KCNB2: variants seen among roughly 807,000 people sequenced by gnomAD.
KCNB2 encodes delayed rectifier potassium channel protein.
In KCNB2, 15 loss-of-function variants were observed where a neutral mutation model predicts 61.5. That is an observed-to-expected ratio of 0.24 (90% CI 0.16 to 0.38). KCNB2 has a LOEUF of 0.38. Among genes scored for constraint, KCNB2 ranks in the 10% least tolerant of loss-of-function variants. The pLI, the probability that KCNB2 is intolerant of heterozygous loss-of-function variation, is 1.00. For missense variants in KCNB2, 828 were observed against 1,125.2 expected (o/e 0.74, Z 3.78); for synonymous variants, 457 against 446.0 (o/e 1.02, Z -0.31).
In KCNB2 at chr8:72,837,680, G is replaced by A. The variant is rs116267500; in HGVS notation, c.580-98255G>A. Among the ~76,000 whole-genome samples, 474 of 152,252 alleles carry A rather than the reference G, an allele frequency of 3.1e-3. 2 individuals are homozygous for A. Among genetic ancestry groups the A allele is most frequent in the African/African-American group, 0.011 (462 of 41,534 alleles). On this transcript the variant is annotated intron_variant, in intron 2 of 2. Coordinates refer to ENST00000523207, the MANE Select transcript of KCNB2 (RefSeq NM_004770.3). ...TTGTCTCATTAGTCAATAAAATATT[G>A]TTGAGCCAATTAATAGCATAGCAAG...
intron 2 of KCNB2, among the ~76,000 whole-genome samples, chr8:72,802,948 A>T (rs1809156034): frequency 6.6e-6 from 1 of 152,140 alleles, no homozygotes; most frequent in South Asian, 2.1e-4. Context: ...GTCTCTGAAA[A>T]CTGGTGTTCA....
At chr8:72,603,408 C>G (rs1280016866) in intron 2 of KCNB2, among the ~76,000 whole-genome samples, 1 of 152,188 alleles carries the variant, frequency 6.6e-6, no homozygotes, top group Non-Finnish European at 1.5e-5. Flanking sequence ...CAGCTCTTTT[C>G]TCCTTGAATA....
chr8:72,734,130 G>A (rs1807797991), intron 2 of KCNB2, among the ~76,000 whole-genome samples: 1 of 152,186 alleles, frequency 6.6e-6, no homozygotes, highest in Non-Finnish European at 1.5e-5. Context: ...TGTAAAAGCA[G>A]TCTCATTATC....
At chr8:72,930,347 T>C (rs1239521770) in intron 2 of KCNB2, among the ~76,000 whole-genome samples, 2 of 152,076 alleles carry the variant, frequency 1.3e-5, no homozygotes, top group East Asian at 3.9e-4. Context: ...ATGGTATTTC[T>C]AGTTCTAGAT....
intron 2 of KCNB2, among the ~76,000 whole-genome samples, chr8:72,915,856 T>G (rs1300716324): frequency 6.6e-6 from 1 of 152,096 alleles, no homozygotes; most frequent in Non-Finnish European, 1.5e-5. Context: ...GAGGCGGAGC[T>G]TGCAGTGAGC....
At chr8:72,780,148 G>A (rs974792634) in intron 2 of KCNB2, among the ~76,000 whole-genome samples, 8 of 152,158 alleles carry the variant, frequency 5.3e-5, no homozygotes, top group Admixed American at 4.6e-4. Context: ...AATACTTTAC[G>A]CTGCCCTCTT....
chr8:72,686,221 T>C (rs77329792), intron 2 of KCNB2, among the ~76,000 whole-genome samples: 11,298 of 152,190 alleles, frequency 0.074, 1,402 homozygotes, highest in African/African-American at 0.25. Context: ...CAGAAAGACA[T>C]ACTCTATCCC....
At chr8:72,711,621 G>A (rs777596110) in intron 2 of KCNB2, among the ~76,000 whole-genome samples, 1 of 152,218 alleles carries the variant, frequency 6.6e-6, no homozygotes, top group Admixed American at 6.5e-5. Context: ...CAAAGATGGT[G>A]CACAGGGTTC....
At chr8:72,703,052 G>A (rs138199334) in intron 2 of KCNB2, among the ~76,000 whole-genome samples, 2 of 152,154 alleles carry the variant, frequency 1.3e-5, no homozygotes, top group African/African-American at 4.8e-5. Flanking sequence ...CATCTTGCTG[G>A]AGCAACAATT....
At chr8:72,778,248 G>C (rs1808690036) in intron 2 of KCNB2, among the ~76,000 whole-genome samples, 1 of 152,120 alleles carries the variant, frequency 6.6e-6, no homozygotes, top group South Asian at 2.1e-4. Context: ...TTTTCACACA[G>C]AGGTATTATT....
intron 2 of KCNB2, among the ~76,000 whole-genome samples, chr8:72,738,108 C>G (rs1476215930): frequency 6.6e-6 from 1 of 152,128 alleles, no homozygotes; most frequent in Non-Finnish European, 1.5e-5. Flanking sequence ...ACTTGAGGGC[C>G]TCTCTGAGAG....
chr8:72,914,665 T>C (rs1460883955), intron 2 of KCNB2, among the ~76,000 whole-genome samples: 2 of 152,134 alleles, frequency 1.3e-5, no homozygotes, highest in Non-Finnish European at 2.9e-5. Flanking sequence ...GAAGACAGGA[T>C]GAAAGAATTT....
intron 2 of KCNB2, among the ~76,000 whole-genome samples, chr8:72,570,478 TG>T (rs1372022633): frequency 6.6e-6 from 1 of 152,196 alleles, no homozygotes; most frequent in Non-Finnish European, 1.5e-5. Flanking sequence ...ATTGTTCATT[TG>T]TCTGAGGTTT....
intron 2 of KCNB2, among the ~76,000 whole-genome samples, chr8:72,679,527 A>T (rs1806717570): frequency 6.6e-6 from 1 of 152,228 alleles, no homozygotes; most frequent in East Asian, 1.9e-4. Context: ...GGCTATGTAA[A>T]CCAAAGAAGT....
intron 2 of KCNB2, among the ~76,000 whole-genome samples, chr8:72,737,080 G>A (rs1381668156): frequency 6.7e-6 from 1 of 149,954 alleles, no homozygotes; most frequent in Non-Finnish European, 1.5e-5. Flanking sequence ...TGTATTATTA[G>A]GCACACAAGA....
intron 2 of KCNB2, among the ~76,000 whole-genome samples, chr8:72,722,908 A>T (rs1172833037): frequency 1.3e-5 from 2 of 152,214 alleles, no homozygotes; most frequent in African/African-American, 4.8e-5. Context: ...ACATTCTCCT[A>T]GTCCATGCAC....
chr8:72,782,278 G>T (rs1367929793), intron 2 of KCNB2, among the ~76,000 whole-genome samples: 1 of 152,036 alleles, frequency 6.6e-6, no homozygotes, highest in African/African-American at 2.4e-5. Context: ...ATTTAGAGTT[G>T]CTTAGATATA....
In KCNB2 at chr8:72,561,688, C is replaced by CTTTT. The variant is rs1344549518; in HGVS notation, c.-93-5953_-93-5950dup. Among the ~76,000 whole-genome samples, 220 of 30,870 alleles carry CTTTT rather than the reference C, an allele frequency of 7.1e-3. 3 individuals carry two copies. The highest frequency in any genetic ancestry group is 0.011 in the Admixed American group (22 of 2,020). 20.3% of individuals were successfully genotyped at this position (30,870 alleles called of 152,430 possible). Reference sequence around the variant, plus strand: ...ATAGCTGAAAATTTCCAGGATCTTACTTTTATATATATATATATATATATA... The same window carrying CTTTT: ...ATAGCTGAAAATTTCCAGGATCTTACTTTTTTTTATATATATATATATATATATA... On this transcript the variant is annotated intron_variant, in intron 1 of 2. Transcript: ENST00000523207.
At chr8:72,774,673 A>G (rs1393637498) in intron 2 of KCNB2, among the ~76,000 whole-genome samples, 1 of 152,106 alleles carries the variant, frequency 6.6e-6, no homozygotes, top group African/African-American at 2.4e-5. Flanking sequence ...ATATATACAC[A>G]TATATAAAAT....
Sources: allele counts gnomAD v4.1 joint callset (sites outside exome capture counted in the v4.1 genomes callset), GRCh38; gene constraint gnomAD v4.1.1; transcripts MANE v1.5; gene names NCBI Gene and HGNC (gene_info 2026-07-23, HGNC 2026-07-21).